The following TIPIN variants were observed in gnomAD, a reference collection of about 807,000 sequenced individuals.
TIPIN encodes TIMELESS interacting protein, also known as TIMELESS-interacting protein.
Under a neutral mutation model 35.6 loss-of-function variants are expected in TIPIN, and 29 were observed. That is an observed-to-expected ratio of 0.82 (90% CI 0.61 to 1.11). TIPIN has a LOEUF of 1.11. TIPIN is among the 50% of genes most tolerant of loss of function. The probability of loss-of-function intolerance (pLI) is 0.00; values close to 1 mark genes in which losing one functional copy is unlikely to be tolerated. For missense variants in TIPIN, 296 were observed against 345.4 expected (o/e 0.86, Z 1.13); for synonymous variants, 102 against 121.5 (o/e 0.84, Z 1.06).
intron 1 of TIPIN, among the ~76,000 whole-genome samples, chr15:66,353,957 A>G (rs1453349234): frequency 1.3e-5 from 2 of 152,078 alleles, no homozygotes; most frequent in African/African-American, 4.8e-5. Flanking sequence ...CGTCTCTACT[A>G]AAAATATAAA....
chr15:66,352,780 C>A, intron 2 of TIPIN, 35 bp downstream of exon 2: 1 of 1,569,186 alleles, frequency 6.4e-7, no homozygotes, highest in Non-Finnish European at 8.6e-7. Flanking sequence ...CGTGCCTGGC[C>A]TCACAGCCTC....
intron 1 of TIPIN, among the ~76,000 whole-genome samples, chr15:66,363,980 C>G (rs1309697497): frequency 2.0e-5 from 3 of 151,336 alleles, no homozygotes; most frequent in African/African-American, 4.8e-5. Context: ...GAGACTCTTT[C>G]TCAAAAAAAA....
At chr15:66,344,284 T>G (rs1042071381) in intron 6 of TIPIN, among the ~76,000 whole-genome samples, 1 of 151,988 alleles carries the variant, frequency 6.6e-6, no homozygotes, top group African/African-American at 2.4e-5. Context: ...TCAAATGAAC[T>G]CAAAGAACTA....
At chr15:66,371,126 A>C (rs1316158320) in intron 1 of TIPIN, 1 of 576,090 alleles carries the variant, frequency 1.7e-6, no homozygotes, top group Admixed American at 6.4e-5. Context: ...CATGAGAATC[A>C]CTTGAGCCCA....
At chr15:66,340,248 G>T (rs1432226202) in intron 7 of TIPIN, among the ~76,000 whole-genome samples, 1 of 134,028 alleles carries the variant, frequency 7.5e-6, no homozygotes, top group Non-Finnish European at 1.5e-5. Flanking sequence ...GTTGATCTCA[G>T]CTCACTGCAA....
chr15:66,366,889 G>A (rs1331296692), intron 1 of TIPIN: 2 of 984,728 alleles, frequency 2.0e-6, no homozygotes, highest in Non-Finnish European at 2.4e-6. Context: ...TAATAAAATT[G>A]GAAGCCCATT....
At chr15:66,357,461 C>T (rs2093210958), upstream of TIPIN, among the ~76,000 whole-genome samples, 1 of 152,062 alleles carries the variant, frequency 6.6e-6, no homozygotes, top group Non-Finnish European at 1.5e-5. Context: ...TGTGGCTCGC[C>T]TGTAATCCCA....
In TIPIN at chr15:66,345,343, C is replaced by G. The variant is rs62627314; in HGVS notation, c.475+3717G>C. ...CTGTAATCCCGGCACGTTGGGAGGCCAAGGCAGACTGTTTGAGGCCAGGAG... is the reference window on the plus strand; with the variant it reads ...CTGTAATCCCGGCACGTTGGGAGGCGAAGGCAGACTGTTTGAGGCCAGGAG... On this transcript the variant is annotated intron_variant, in intron 6 of 7. Transcript: ENST00000261881. 8.2e-4 allele frequency among the ~76,000 whole-genome samples: 125 copies of G among 152,072 alleles called. No homozygotes were observed. The East Asian group carries it at 0.024, about 29-fold the overall frequency.
At chr15:66,360,108 A>T (rs1366059382), upstream of TIPIN, among the ~76,000 whole-genome samples, 2 of 152,022 alleles carry the variant, frequency 1.3e-5, no homozygotes, top group East Asian at 1.9e-4. Flanking sequence ...GGAGTAAAAA[A>T]CCATATTTAA....
rs114996517 is a variant in TIPIN, at chr15:66,337,914, A to G, written c.683-733T>C. On this transcript the variant is annotated intron_variant, in intron 7 of 7. Transcript: ENST00000261881. ...GCAAAATGGTTTTGAATGTTATTCA[A>G]CTCACACTCTTGGATCATAGTCAAA... Among the ~76,000 whole-genome samples the G allele has an allele frequency of 2.1e-3, 322 of 152,126 alleles. 1 individual carries two copies. Among genetic ancestry groups the G allele is most frequent in the African/African-American group, 7.3e-3 (304 of 41,522 alleles).
chr15:66,342,186 C>CAAAAAAAAAAA (rs55711983), intron 6 of TIPIN, among the ~76,000 whole-genome samples: 306 of 108,440 alleles, frequency 2.8e-3, no homozygotes, highest in East Asian at 9.6e-3. Context: ...AAGACTGTCT[C>CAAAAAAAAAAA]AAAAAAAAAA....
chr15:66,367,276 A>ATCTATATC (rs2093260075), intron 1 of TIPIN, among the ~76,000 whole-genome samples: 1 of 151,346 alleles, frequency 6.6e-6, no homozygotes, highest in African/African-American at 2.4e-5. Context: ...ATCTATAGAT[A>ATCTATATC]TATATCTGTT....
At chr15:66,373,573 T>C (rs2093285313) in intron 1 of TIPIN, among the ~76,000 whole-genome samples, 1 of 152,116 alleles carries the variant, frequency 6.6e-6, no homozygotes, top group Admixed American at 6.6e-5. Flanking sequence ...ATGTTAAATC[T>C]TAGAAGATAT....
At chr15:66,346,257 C>CTTTTTTTTTT (rs536484516) in intron 6 of TIPIN, among the ~76,000 whole-genome samples, 2 of 131,090 alleles carry the variant, frequency 1.5e-5, no homozygotes, top group African/African-American at 2.8e-5. Context: ...CTTAATTTAT[C>CTTTTTTTTTT]TTTTTTTTTT....
At chr15:66,354,858 C>G (rs2093192781) in intron 1 of TIPIN, among the ~76,000 whole-genome samples, 1 of 152,070 alleles carries the variant, frequency 6.6e-6, no homozygotes, top group Non-Finnish European at 1.5e-5. Context: ...GTGTCAAGTA[C>G]AAGTGTCATG....
At chr15:66,355,799 A>C (rs913296208) in intron 1 of TIPIN, among the ~76,000 whole-genome samples, 80 of 152,120 alleles carry the variant, frequency 5.3e-4, no homozygotes, top group African/African-American at 1.9e-3. Context: ...CTGTAACTTC[A>C]AGCAAGCTAC....
At chr15:66,359,751 C>A (rs2093223182), upstream of TIPIN, among the ~76,000 whole-genome samples, 3 of 152,098 alleles carry the variant, frequency 2.0e-5, no homozygotes, top group Admixed American at 2.0e-4. Flanking sequence ...ATATACTATA[C>A]TTTTTGACTA....
chr15:66,374,736 C>T (rs145914244), intron 1 of TIPIN, among the ~76,000 whole-genome samples: 6,176 of 152,192 alleles, frequency 0.041, 302 homozygotes, highest in African/African-American at 0.11. Flanking sequence ...CCTGCCACCA[C>T]GCCCAGCTAA....
At position 66,349,348 on chromosome 15, in the gene TIPIN, T is replaced by G. The variant is rs1424531379; in HGVS notation, c.378A>C (p.Arg126Ser). 1.2e-6 allele frequency: 2 copies of G among 1,614,066 alleles called. No individual in the cohort carries two copies. The highest frequency in any genetic ancestry group is 2.2e-5 in the South Asian group (2 of 91,074). ...CCTTTTTACTTCCCAGGTATTCAACTCTGTCAATAAAATCCTCAAACTGCA... is the reference window on the plus strand; with the variant it reads ...CCTTTTTACTTCCCAGGTATTCAACGCTGTCAATAAAATCCTCAAACTGCA... ...PKLQFEDFID[R>S]VEYLGSKKEV... The change falls in exon 5 of 8, where the codon AGA becomes AGC. Residue 126 changes from arginine to serine, a missense_variant. Physicochemically the swap from Arg to Ser is moderately radical, Grantham distance 110 (BLOSUM62 -1). Transcript: ENST00000261881.
Sources: allele counts gnomAD v4.1 joint callset (sites outside exome capture counted in the v4.1 genomes callset), GRCh38; gene constraint gnomAD v4.1.1; transcripts MANE v1.5; gene names NCBI Gene and HGNC (gene_info 2026-07-23, HGNC 2026-07-21).